The following ORAI2 variants were observed in gnomAD, a reference collection of about 807,000 sequenced individuals.
ORAI2 encodes the protein protein orai-2.
Under a neutral mutation model 16.2 loss-of-function variants are expected in ORAI2, and 10 were observed. That is an observed-to-expected ratio of 0.62 (90% confidence interval 0.38 to 1.04). The LOEUF is 1.04. Ranked by LOEUF, ORAI2 falls within the 50% of genes least tolerant of loss-of-function variation. ORAI2 has a pLI of 0.01. For missense variants in ORAI2, 238 were observed against 355.5 expected (o/e 0.67, Z 2.66); for synonymous variants, 150 against 157.5 (o/e 0.95, Z 0.35).
At chr7:102,436,983 C>T (rs529533034) in intron 2 of ORAI2, among the ~76,000 whole-genome samples, 21 of 152,326 alleles carry the variant, frequency 1.4e-4, no homozygotes, top group Non-Finnish European at 2.9e-4. Context: ...CCTTGAAGCA[C>T]GCCCTGCAGA....
rs543456025 is a variant in ORAI2 at position 102,436,260 on chromosome 7, C to T, written c.-87C>T. On this transcript the variant is annotated 5_prime_UTR_variant, in exon 2 of 4. Transcript: ENST00000495936. ...TCCCAGGGATGGAAGTGCTTGGATGCGGTGCTGCTGGCTGCGGATGTGCGC... is the reference window on the plus strand; with the variant it reads ...TCCCAGGGATGGAAGTGCTTGGATGTGGTGCTGCTGGCTGCGGATGTGCGC... 19 of 975,168 alleles carry T rather than the reference C, an allele frequency of 1.9e-5. No homozygotes were observed. The East Asian group carries it at 3.4e-4, about 18-fold the overall frequency. 60.4% of individuals were successfully genotyped at this position (975,168 alleles called of 1,614,324 possible). A position where few individuals can be genotyped will look rare whatever the true frequency, so the allele number is the denominator to read the frequency against.
chr7:102,436,575 C>T (rs1797063436), intron 2 of ORAI2, among the ~76,000 whole-genome samples: 1 of 152,158 alleles, frequency 6.6e-6, no homozygotes, highest in Non-Finnish European at 1.5e-5. Flanking sequence ...TAAGCACTCC[C>T]CACTCCACCC....
intron 3 of ORAI2, among the ~76,000 whole-genome samples, chr7:102,439,675 G>C (rs1797146592): frequency 6.6e-6 from 1 of 151,268 alleles, no homozygotes; most frequent in Admixed American, 6.6e-5. Context: ...GAGGCAGGAG[G>C]ATCACTTGAG....
Position 102,453,840 on chromosome 7 carries a change from T to C in ORAI2, c.*6788T>C. On this transcript the variant is annotated 3_prime_UTR_variant, in exon 4 of 4. Coordinates refer to ENST00000495936, the MANE Select transcript of ORAI2 (RefSeq NM_001126340.3). ...GCCTCCCGGGCTCAAGTGATTCTCC[T>C]GCCTCAGCCTCCTGAGTAGCTAGGA... The C allele has an allele frequency of 6.6e-6, 1 of 152,396 alleles. No individual in the cohort carries two copies. Among genetic ancestry groups the C allele is most frequent in the Non-Finnish European group, 1.5e-5 (1 of 68,156 alleles). The allele number at this position is 152,396 out of a possible 1,614,324, so 9.4% of individuals were successfully genotyped here.
At chr7:102,436,559 C>T (rs1797063094) in intron 2 of ORAI2, among the ~76,000 whole-genome samples, 1 of 152,074 alleles carries the variant, frequency 6.6e-6, no homozygotes, top group South Asian at 2.1e-4. Flanking sequence ...CAGCTGCTGA[C>T]CCTGTTAAGC....
chr7:102,439,206 G>A (rs772438874), intron 3 of ORAI2, 25 bp downstream of exon 3: 2 of 1,593,916 alleles, frequency 1.3e-6, no homozygotes, highest in African/African-American at 1.3e-5. Context: ...CAAGTGAGGA[G>A]CACACTGGTC....
rs779595593 is a variant in ORAI2 at position 102,446,618 on chromosome 7, G to T, written c.331G>T (p.Ala111Ser). The T allele has an allele frequency of 6.2e-7, 1 of 1,613,870 alleles. No homozygotes were observed. Among genetic ancestry groups the T allele is most frequent in the Admixed American group, 1.7e-5 (1 of 60,032 alleles). Residue 111 changes from alanine to serine, a missense_variant, in exon 4 of 4, where the codon GCC becomes TCC. By Grantham distance (99) the Ala-to-Ser change is moderately conservative. This residue lies in a region of ORAI2 where 176 missense variants were observed against 265.9 expected (regional missense o/e 0.66). Transcript: ENST00000495936. Reference protein sequence around the residue: ...TTVLVAVHLFALLISTCILPN... With the variant: ...TTVLVAVHLFSLLISTCILPN... ...GGTGCTGGTGGCCGTGCACCTGTTC[G>T]CCCTCCTCATCAGCACCTGCATCCT...
At chr7:102,439,513 A>T (rs1409963837) in intron 3 of ORAI2, among the ~76,000 whole-genome samples, 3 of 152,156 alleles carry the variant, frequency 2.0e-5, no homozygotes, top group African/African-American at 7.2e-5. Flanking sequence ...TAATCCCAGC[A>T]CTTTGGGAGG....
intron 3 of ORAI2, among the ~76,000 whole-genome samples, chr7:102,441,895 T>C (rs1002342783): frequency 6.6e-6 from 1 of 152,056 alleles, no homozygotes; most frequent in Non-Finnish European, 1.5e-5. Context: ...AAGTGACAAA[T>C]ACAAATCATC....
In ORAI2 at chr7:102,448,346, A is replaced by G. The variant is rs1174447723; in HGVS notation, c.*1294A>G. 6.6e-6 allele frequency: 1 copy of G among 152,234 alleles called. No homozygotes were observed. Among genetic ancestry groups the G allele is most frequent in the Admixed American group, 6.5e-5 (1 of 15,280 alleles). The allele number at this position is 152,234 out of a possible 1,614,324, so 9.4% of individuals were successfully genotyped here. On this transcript the variant is annotated 3_prime_UTR_variant, in exon 4 of 4. Coordinates refer to ENST00000495936, the MANE Select transcript of ORAI2 (RefSeq NM_001126340.3). Reference sequence around the variant, plus strand: ...GCTGCCCTGAGCTGCTTGTACAACCAAACACCTTTCCCCTCTTCTCCAGCT... The same window carrying G: ...GCTGCCCTGAGCTGCTTGTACAACCGAACACCTTTCCCCTCTTCTCCAGCT...
chr7:102,444,275 C>G (rs904897132), intron 3 of ORAI2, among the ~76,000 whole-genome samples: 41 of 150,748 alleles, frequency 2.7e-4, no homozygotes, highest in Non-Finnish European at 5.2e-4. Flanking sequence ...TTTTTTGTGG[C>G]AGGGTCTCAC....
intron 3 of ORAI2, 144 bp downstream of exon 3, chr7:102,439,325 C>A: frequency 1.4e-6 from 1 of 694,240 alleles, no homozygotes; most frequent in Non-Finnish European, 2.4e-6. Context: ...CACGTCCCAG[C>A]TGCTCTAAGA....
chr7:102,436,609 G>A (rs1188263917), intron 2 of ORAI2, among the ~76,000 whole-genome samples: 1 of 152,148 alleles, frequency 6.6e-6, no homozygotes, highest in Non-Finnish European at 1.5e-5. Context: ...ACGCTCCCTG[G>A]GACCTAGAAA....
intron 3 of ORAI2, among the ~76,000 whole-genome samples, chr7:102,444,873 G>T (rs1305110488): frequency 6.6e-6 from 1 of 151,604 alleles, no homozygotes; most frequent in Non-Finnish European, 1.5e-5. Flanking sequence ...CACCATGCGG[G>T]CCAGGCTGGT....
rs1797474836 is a variant in ORAI2, at chr7:102,449,651, G to A, written c.*2599G>A. 1.3e-5 allele frequency: 2 copies of A among 152,232 alleles called. No homozygotes were observed. Among genetic ancestry groups the A allele is most frequent in the South Asian group, 2.1e-4 (1 of 4,830 alleles). 9.4% of individuals were successfully genotyped at this position (152,232 alleles called of 1,614,324 possible). A position where few individuals can be genotyped will look rare whatever the true frequency, so the allele number is the denominator to read the frequency against. ...GAACGCAGGAGGCAGAGGTTGCAGT[G>A]AGCTGAGATCGTGCCACTGCACTCC... On this transcript the variant is annotated 3_prime_UTR_variant, in exon 4 of 4. Transcript: ENST00000495936.
In ORAI2 at chr7:102,443,096, TTCTTC is replaced by T. The variant is rs1563636456; in HGVS notation, c.226-3415_226-3411del. Among the ~76,000 whole-genome samples the T allele has an allele frequency of 2.9e-4, 5 of 17,452 alleles. No homozygotes were observed. In the South Asian group the frequency reaches 3.8e-3, roughly 13 times the overall value. 11.4% of individuals were successfully genotyped at this position (17,452 alleles called of 152,430 possible). A position where few individuals can be genotyped will look rare whatever the true frequency, so the allele number is the denominator to read the frequency against. On this transcript the variant is annotated intron_variant, in intron 3 of 3. Transcript: ENST00000495936. ...TGAAAAATTGCCTTCTCTTTTCTTC[TTCTTC>T]TTCTTCTTCTTCTTCTTCTTCTTCT...
intron 2 of ORAI2, among the ~76,000 whole-genome samples, chr7:102,438,707 A>C (rs953790706): frequency 2.0e-5 from 3 of 151,766 alleles, no homozygotes; most frequent in African/African-American, 7.3e-5. Flanking sequence ...TAGGAGCTGG[A>C]GTTTCCAATG....
rs181704233 is a variant in ORAI2, at chr7:102,437,602, G to A, written c.-14+1269G>A. On this transcript the variant is annotated intron_variant, in intron 2 of 3. Transcript: ENST00000495936. ...TTCACTCTAGCCTGGGTGACAGAGC[G>A]AGACTCTGTCTCAAAAAATAAATAA... Among the ~76,000 whole-genome samples, 288 of 152,246 alleles carry A rather than the reference G, an allele frequency of 1.9e-3. 1 individual carries two copies. The highest frequency in any genetic ancestry group is 3.3e-3 in the Non-Finnish European group (227 of 68,024).
intron 3 of ORAI2, among the ~76,000 whole-genome samples, chr7:102,444,305 T>A (rs1032525750): frequency 1.2e-4 from 18 of 151,678 alleles, no homozygotes; most frequent in Non-Finnish European, 2.2e-4. Flanking sequence ...CAGGCTGGAG[T>A]GCAGTGGCAT....
Sources: allele counts gnomAD v4.1 joint callset (sites outside exome capture counted in the v4.1 genomes callset), GRCh38; gene constraint gnomAD v4.1.1; regional missense constraint gnomAD v4.1.1; transcripts MANE v1.5; gene names NCBI Gene and HGNC (gene_info 2026-07-23, HGNC 2026-07-21).